COL27A1: variants seen among roughly 807,000 people sequenced by gnomAD.
COL27A1 encodes collagen type XXVII alpha 1 chain.
A neutral mutation model predicts 251.3 loss-of-function variants in COL27A1; 106 were observed. The ratio of observed to expected loss-of-function variants is 0.42; its 90% confidence interval spans 0.36 to 0.50. The LOEUF (loss-of-function observed/expected upper bound fraction) is 0.50. COL27A1 is among the 20% of genes least tolerant of loss of function. COL27A1 has a pLI of 0.00. For synonymous variants in COL27A1, 1,000 were observed against 986.3 expected (o/e 1.01, Z -0.26); for missense variants, 2,325 against 2,522.8 (o/e 0.92, Z 1.68).
chr9:114,222,600 G>A (rs1831198460), intron 14 of COL27A1, among the ~76,000 whole-genome samples: 2 of 152,198 alleles, frequency 1.3e-5, no homozygotes, highest in Admixed American at 1.3e-4. Context: ...CCTGCTGCGT[G>A]CATGGCCGTT....
At position 114,290,896 on chromosome 9, in the gene COL27A1, A is replaced by C. The variant is rs748276652; in HGVS notation, c.4455A>C (p.Ala1485=). ...CAGGTGTGGCCGGCTTACCTGGAGC[A>C]CAGGGACCCCCAGGATTCAAGGTCA... The part of the protein sequence containing the change: ...GNPGVAGLPG[A]QGPPGFKGES... The change falls in exon 48 of 61, where the codon GCA becomes GCC. Residue 1485 remains alanine, a synonymous_variant. Coordinates refer to ENST00000356083, the MANE Select transcript of COL27A1 (RefSeq NM_032888.4). This position sits in a 1 kb window ranked among gnomAD's most constrained non-coding sequence, Gnocchi z 4.6. 6.4e-7 allele frequency: 1 copy of C among 1,551,534 alleles called. No homozygotes were observed. The highest frequency in any genetic ancestry group is 2.4e-5 in the East Asian group (1 of 40,978).
At chr9:114,292,020 G>A in intron 48 of COL27A1, 83 bp from the exon 49 acceptor site, 1 of 1,192,542 alleles carries the variant, frequency 8.4e-7, no homozygotes, top group Non-Finnish European at 1.2e-6. Context: ...TCACTGTTCT[G>A]GCTCTCCCAG....
chr9:114,203,625 G>A (rs1467343433), intron 7 of COL27A1, among the ~76,000 whole-genome samples: 1 of 152,172 alleles, frequency 6.6e-6, no homozygotes, highest in Non-Finnish European at 1.5e-5. Context: ...ATGTCACTGA[G>A]GGCTCTTGAG....
intron 5 of COL27A1, among the ~76,000 whole-genome samples, chr9:114,185,777 A>G (rs1048661635): frequency 6.6e-6 from 1 of 152,254 alleles, no homozygotes; most frequent in Non-Finnish European, 1.5e-5. Flanking sequence ...CTGTTGACAG[A>G]TAAATCAGTC....
chr9:114,284,898 C>T, intron 41 of COL27A1, 121 bp downstream of exon 41: 5 of 1,065,116 alleles, frequency 4.7e-6, no homozygotes, highest in African/African-American at 1.6e-5. Flanking sequence ...GGGGGCTCAC[C>T]CCCTGCAGCA....
intron 41 of COL27A1, among the ~76,000 whole-genome samples, chr9:114,285,996 A>G (rs1398416497): frequency 2.0e-5 from 3 of 152,220 alleles, no homozygotes; most frequent in Non-Finnish European, 4.4e-5. Flanking sequence ...TGAGAGGTCA[A>G]GGTGGGGGCA....
rs1411146694 is a variant in COL27A1, at chr9:114,168,507, G to A, written c.952G>A (p.Ala318Thr). 1 of 1,613,866 alleles carries A rather than the reference G, an allele frequency of 6.2e-7. No homozygotes were observed. The change falls in exon 3 of 61, where the codon GCC becomes ACC. Residue 318 changes from alanine to threonine, a missense_variant. Coordinates refer to ENST00000356083, the MANE Select transcript of COL27A1 (RefSeq NM_032888.4). ...CCAGCATATGGCGGTGGGAGGCCCA[G>A]CCCAAACCCCGCTGCTACCTGCCAA... ...PHQHMAVGGP[A>T]QTPLLPAKLS...
At chr9:114,215,822 AG>A (rs1830677805) in intron 12 of COL27A1, among the ~76,000 whole-genome samples, 2 of 152,182 alleles carry the variant, frequency 1.3e-5, no homozygotes, top group Admixed American at 6.5e-5. Context: ...AGAGTTGACC[AG>A]GGGCTGCATT....
Position 114,309,041 on chromosome 9 carries a change from G to A in COL27A1, c.5218-219G>A, listed in dbSNP as rs1163756093. ...CTTTGAAGCTCTGGCTCTGGAGTCAGGCAGGCCCTTCCCACTTACGCAGCC... is the reference window on the plus strand; with the variant it reads ...CTTTGAAGCTCTGGCTCTGGAGTCAAGCAGGCCCTTCCCACTTACGCAGCC... On this transcript the variant is annotated intron_variant, in intron 59 of 60. Transcript: ENST00000356083. Among the ~76,000 whole-genome samples the A allele has an allele frequency of 3.3e-5, 5 of 152,334 alleles. No individual in the cohort carries two copies. The East Asian group carries it at 7.7e-4, about 24-fold the overall frequency.
intron 5 of COL27A1, among the ~76,000 whole-genome samples, chr9:114,192,031 T>G (rs1440451723): frequency 6.6e-6 from 1 of 152,224 alleles, no homozygotes; most frequent in African/African-American, 2.4e-5. Context: ...AGATTTGGCT[T>G]GTAGCATCTG....
rs1833481105 is a variant in COL27A1 at position 114,250,650 on chromosome 9, A to G, written c.3015A>G (p.Pro1005=). 6.2e-7 allele frequency: 1 copy of G among 1,612,126 alleles called. No individual in the cohort carries two copies. The highest frequency in any genetic ancestry group is 8.5e-7 in the Non-Finnish European group (1 of 1,178,282). The change falls in exon 25 of 61, where the codon CCA becomes CCG. Residue 1005 remains proline, a synonymous_variant. Coordinates refer to ENST00000356083, the MANE Select transcript of COL27A1 (RefSeq NM_032888.4). ...FMGFIGLVGE[P]GIVGEKGDRG... is the part of the protein sequence containing the mutation. ...GATTCATTGGTCTGGTCGGGGAGCC[A>G]GGAATCGTGGGAGAAAAGGTAAGTG...
rs956818580 is a variant in COL27A1, at chr9:114,301,435, C to A, written c.4792-10C>A. 1 of 1,611,992 alleles carries A rather than the reference C, an allele frequency of 6.2e-7. No homozygotes were observed. Among genetic ancestry groups the A allele is most frequent in the Non-Finnish European group, 8.5e-7 (1 of 1,179,870 alleles). ...CCCTAACTCTCTCCCCTGCTTCTGT[C>A]TCCCTCCAGGGATTGCAAGGTCCGA... is the stretch of plus-strand genomic sequence containing the variant. On this transcript the variant is annotated splice_polypyrimidine_tract_variant and intron_variant, in intron 53 of 60. Coordinates refer to ENST00000356083, the MANE Select transcript of COL27A1 (RefSeq NM_032888.4).
chr9:114,231,784 G>T, intron 15 of COL27A1, 38 bp from the exon 16 acceptor site: 2 of 1,611,940 alleles, frequency 1.2e-6, no homozygotes, highest in Non-Finnish European at 1.7e-6. Context: ...CTGTGGCCTA[G>T]AGTCCCATCA....
At chr9:114,293,039 G>A (rs1216224843) in intron 49 of COL27A1, among the ~76,000 whole-genome samples, 2 of 152,186 alleles carry the variant, frequency 1.3e-5, no homozygotes, top group East Asian at 3.8e-4. Flanking sequence ...GGGTAGAACA[G>A]AAGCAAACAG....
intron 12 of COL27A1, among the ~76,000 whole-genome samples, chr9:114,212,968 C>T (rs915021358): frequency 2.0e-5 from 3 of 152,190 alleles, no homozygotes; most frequent in Non-Finnish European, 4.4e-5. Context: ...GCCTCCAGGG[C>T]CACCTTTGGG....
chr9:114,220,394 G>C (rs1337134321), intron 13 of COL27A1, among the ~76,000 whole-genome samples: 1 of 152,214 alleles, frequency 6.6e-6, no homozygotes, highest in African/African-American at 2.4e-5. Flanking sequence ...GCCCTGGTGG[G>C]AGAAGGTGTT....
Position 114,167,985 on chromosome 9 carries a change from T to A in COL27A1, c.430T>A (p.Ser144Thr). 6.2e-7 allele frequency: 1 copy of A among 1,605,152 alleles called. No homozygotes were observed. Among genetic ancestry groups the A allele is most frequent in the Non-Finnish European group, 8.5e-7 (1 of 1,179,796 alleles). Residue 144 changes from serine to threonine, a missense_variant, in exon 3 of 61, where the codon TCA becomes ACA. By Grantham distance (58) the Ser-to-Thr change is moderately conservative. Transcript: ENST00000356083. ...KTVVHLGSRR[S>T]VAFDLDMHDG... ...GGTCGTCCACCTCGGGTCCCGGCGC[T>A]CAGTGGCCTTCGACCTCGACATGCA... is the stretch of plus-strand genomic sequence containing the variant.
chr9:114,191,447 T>A (rs1273267144), intron 5 of COL27A1, among the ~76,000 whole-genome samples: 1 of 152,084 alleles, frequency 6.6e-6, no homozygotes, highest in Non-Finnish European at 1.5e-5. Context: ...CAGGCCCCAG[T>A]GTATGTTGTT....
In COL27A1 at chr9:114,168,564, C is replaced by G; in HGVS notation, c.1009C>G (p.Leu337Val). The G allele has an allele frequency of 6.2e-7, 1 of 1,614,122 alleles. No homozygotes were observed. The highest frequency in any genetic ancestry group is 8.5e-7 in the Non-Finnish European group (1 of 1,179,976). ...AGCCAGTAACGCACTTGATCCCATG[C>G]TCCCAGCCTCTGTTGGCGGCTCTAC... ...LSASNALDPMLPASVGGSTRT... is the reference protein window; with the variant it reads ...LSASNALDPMVPASVGGSTRT... Residue 337 changes from leucine to valine, a missense_variant, in exon 3 of 61, where the codon CTC becomes GTC. Leu to Val is a conservative substitution (Grantham distance 32). This residue lies in a region of COL27A1 where 1,183 missense variants were observed against 1,144.1 expected (regional missense o/e 1.03). Coordinates refer to ENST00000356083, the MANE Select transcript of COL27A1 (RefSeq NM_032888.4).
Sources: allele counts gnomAD v4.1 joint callset (sites outside exome capture counted in the v4.1 genomes callset), GRCh38; gene constraint gnomAD v4.1.1; regional missense constraint gnomAD v4.1.1; non-coding constraint Gnocchi (gnomAD v3.1); transcripts MANE v1.5; gene names NCBI Gene and HGNC (gene_info 2026-07-23, HGNC 2026-07-21).